Variants in EHMT1 observed in about 807,000 individuals in gnomAD.
EHMT1 encodes the protein euchromatic histone lysine methyltransferase 1, also known as histone-lysine N-methyltransferase EHMT1.
In EHMT1, 15 loss-of-function variants were observed where a neutral mutation model predicts 147.2. That is an observed-to-expected ratio of 0.10 (90% confidence interval 0.07 to 0.16). EHMT1 has a LOEUF of 0.16. EHMT1 is among the 10% of genes least tolerant of loss of function. The pLI is 1.00. For synonymous variants in EHMT1, 795 were observed against 709.6 expected (o/e 1.12, Z -1.91); for missense variants, 1,587 against 1,772.4 (o/e 0.90, Z 1.88).
intron 18 of EHMT1, among the ~76,000 whole-genome samples, chr9:137,809,060 A>AAAGAGCAGAGGGGTGGAGGAGCCC (rs1296464712): frequency 2.7e-4 from 41 of 152,380 alleles, no homozygotes; most frequent in Admixed American, 2.5e-3. Flanking sequence ...AGCCAGAAAC[A>AAAGAGCAGAGGGGTGGAGGAGCCC]AAGAGCAGAG....
At chr9:137,808,204 G>C (rs1337617739) in intron 18 of EHMT1, among the ~76,000 whole-genome samples, 1 of 152,164 alleles carries the variant, frequency 6.6e-6, no homozygotes, top group African/African-American at 2.4e-5. Flanking sequence ...ATTCTCAACA[G>C]GCTTGTGGCC....
At chr9:137,785,400 GTGAGGGTGGGCCGTGCTGAGCCCC>G (rs1295355393) in intron 15 of EHMT1, 4 of 146,734 alleles carry the variant, frequency 2.7e-5, no homozygotes, top group African/African-American at 1.1e-4. Context: ...CGCTGAGCCC[GTGAGGGTGGGCCGTGCTGAGCCCC>G]TGAGGGTGGG....
chr9:137,658,406 C>T (rs1050217531), intron 1 of EHMT1, among the ~76,000 whole-genome samples: 3 of 152,136 alleles, frequency 2.0e-5, no homozygotes, highest in Admixed American at 1.3e-4. Flanking sequence ...CTGCCTCAGC[C>T]TCCCAAAATG....
intron 1 of EHMT1, chr9:137,641,142 C>T: frequency 2.7e-6 from 1 of 374,282 alleles, no homozygotes; most frequent in South Asian, 2.3e-5. Context: ...TCTTTGCTGA[C>T]CTCTCCTAAC....
intron 12 of EHMT1, chr9:137,777,227 A>G: frequency 3.8e-6 from 1 of 266,376 alleles, no homozygotes; most frequent in East Asian, 9.9e-5. Flanking sequence ...AAGACAAAAA[A>G]GTCTAAAATA....
chr9:137,773,400 G>A (rs1397193058), intron 10 of EHMT1, among the ~76,000 whole-genome samples: 1 of 151,964 alleles, frequency 6.6e-6, no homozygotes, highest in Non-Finnish European at 1.5e-5. Context: ...TTGGGGTGGG[G>A]CCCAGACTGT....
chr9:137,710,182 C>A (rs1008625772), intron 1 of EHMT1, among the ~76,000 whole-genome samples: 1 of 151,898 alleles, frequency 6.6e-6, no homozygotes, highest in Non-Finnish European at 1.5e-5. Context: ...AAATTCTGTC[C>A]AAGTGCCACC....
intron 1 of EHMT1, among the ~76,000 whole-genome samples, chr9:137,622,493 A>G (rs185772207): frequency 6.6e-6 from 1 of 152,306 alleles, no homozygotes; most frequent in African/African-American, 2.4e-5. Flanking sequence ...GTTTCTAAAT[A>G]TATGTTTGTA....
intron 1 of EHMT1, among the ~76,000 whole-genome samples, chr9:137,629,772 C>T (rs184888069): frequency 1.3e-5 from 2 of 150,712 alleles, no homozygotes; most frequent in Admixed American, 1.3e-4. Flanking sequence ...TCAGGTGATC[C>T]GCCCACCTCG....
In EHMT1 at chr9:137,802,004, G is replaced by T. The variant is rs531826023; in HGVS notation, c.2712+1020G>T. On this transcript the variant is annotated intron_variant, in intron 18 of 26. Coordinates refer to ENST00000460843, the MANE Select transcript of EHMT1 (RefSeq NM_024757.5). ...GGTTTTCTAGGATGTGATTTAAGAT[G>T]CTTCAGTGACAATTAGTTTTGTAAG... Among the ~76,000 whole-genome samples the T allele has an allele frequency of 1.0e-3, 155 of 152,346 alleles. 1 individual carries two copies. Among genetic ancestry groups the T allele is most frequent in the African/African-American group, 3.0e-3 (124 of 41,572 alleles).
At chr9:137,759,469 T>A (rs1296957875) in intron 9 of EHMT1, among the ~76,000 whole-genome samples, 2 of 152,216 alleles carry the variant, frequency 1.3e-5, no homozygotes, top group Non-Finnish European at 2.9e-5. Flanking sequence ...CCGTTCCACC[T>A]GTCAGTGTGC....
chr9:137,645,622 C>T (rs1844828904), intron 1 of EHMT1, among the ~76,000 whole-genome samples: 1 of 152,170 alleles, frequency 6.6e-6, no homozygotes, highest in African/African-American at 2.4e-5. Flanking sequence ...GGAAGGCTGT[C>T]TGTGTTTCCA....
chr9:137,708,322 A>G (rs1381995992), intron 1 of EHMT1, among the ~76,000 whole-genome samples: 2 of 152,214 alleles, frequency 1.3e-5, no homozygotes, highest in South Asian at 4.1e-4. Context: ...AAGTATTTTG[A>G]TATCTTTTCA....
At chr9:137,752,087 AGGACCGG>A (rs1949013343) in intron 6 of EHMT1, among the ~76,000 whole-genome samples, 1 of 152,250 alleles carries the variant, frequency 6.6e-6, no homozygotes, top group Admixed American at 6.5e-5. Flanking sequence ...ATGTGGAGAC[AGGACCGG>A]GGAGCAGAGT....
In EHMT1 at chr9:137,741,274, C is replaced by T. The variant is rs527238347; in HGVS notation, c.824-2097C>T. 3.9e-5 allele frequency among the ~76,000 whole-genome samples: 6 copies of T among 152,274 alleles called. No homozygotes were observed. In the South Asian group the frequency reaches 6.2e-4, roughly 16 times the overall value. ...TACAATAGGTGTGAGCCACTGCGCC[C>T]GGCCGACATGATTCTTAAGCACATG... On this transcript the variant is annotated intron_variant, in intron 4 of 26. Transcript: ENST00000460843.
chr9:137,717,767 G>A (rs1218483819), intron 3 of EHMT1, among the ~76,000 whole-genome samples: 2 of 152,110 alleles, frequency 1.3e-5, no homozygotes, highest in Non-Finnish European at 2.9e-5. Context: ...AGGAGGCCAC[G>A]GCCTCTTCTG....
At chr9:137,646,350 A>C in intron 1 of EHMT1, 1 of 985,536 alleles carries the variant, frequency 1.0e-6, no homozygotes, top group Non-Finnish European at 1.2e-6. Flanking sequence ...ACCTGGCCTG[A>C]GGAACATTTC....
intron 18 of EHMT1, among the ~76,000 whole-genome samples, chr9:137,804,323 G>A (rs565902420): frequency 6.6e-6 from 1 of 152,320 alleles, no homozygotes; most frequent in Non-Finnish European, 1.5e-5. Flanking sequence ...TAATAGGTGT[G>A]TAGTGATATC....
intron 10 of EHMT1, among the ~76,000 whole-genome samples, chr9:137,770,355 CTGTT>C (rs1950513202): frequency 6.6e-6 from 1 of 152,212 alleles, no homozygotes; most frequent in Admixed American, 6.5e-5. Flanking sequence ...ATCTCTGGTA[CTGTT>C]TGTTTCTAGC....
Sources: gnomAD v4.1 joint callset for allele counts (sites outside exome capture counted in the v4.1 genomes callset) on GRCh38, gnomAD v4.1.1 for gene constraint, MANE v1.5 for transcripts, NCBI Gene and HGNC (gene_info 2026-07-23, HGNC 2026-07-21) for gene names.